The following KCTD16 variants were observed in gnomAD, a reference collection of about 807,000 sequenced individuals.
The protein encoded by KCTD16 is potassium channel tetramerization domain containing 16, also known as BTB/POZ domain-containing protein KCTD16.
Under a neutral mutation model 33.2 loss-of-function variants are expected in KCTD16, and 13 were observed. The ratio of observed to expected loss-of-function variants is 0.39; its 90% confidence interval spans 0.25 to 0.62. The LOEUF is 0.62. Among genes scored for constraint, KCTD16 ranks in the 20% least tolerant of loss-of-function variants. KCTD16 has a pLI of 0.50. For missense variants in KCTD16, 441 were observed against 525.1 expected (o/e 0.84, Z 1.57); for synonymous variants, 197 against 195.3 (o/e 1.01, Z -0.07).
At chr5:144,413,207 A>T (rs778381764) in intron 3 of KCTD16, among the ~76,000 whole-genome samples, 1 of 152,232 alleles carries the variant, frequency 6.6e-6, no homozygotes, top group Non-Finnish European at 1.5e-5. Flanking sequence ...GTCCTAATCC[A>T]ATATGACTGG....
chr5:144,245,348 G>T (rs1260175720), intron 3 of KCTD16, among the ~76,000 whole-genome samples: 1 of 152,192 alleles, frequency 6.6e-6, no homozygotes, highest in Non-Finnish European at 1.5e-5. Flanking sequence ...CCTCATCAGA[G>T]AAGTCAAGGA....
intron 3 of KCTD16, among the ~76,000 whole-genome samples, chr5:144,462,561 G>T (rs1402818035): frequency 5.7e-5 from 7 of 122,834 alleles, no homozygotes; most frequent in Admixed American, 1.8e-4. Context: ...ATTCTCTTTT[G>T]GTTTCTTAAA....
At chr5:144,368,802 C>T (rs1196231496) in intron 3 of KCTD16, among the ~76,000 whole-genome samples, 2 of 152,130 alleles carry the variant, frequency 1.3e-5, no homozygotes, top group African/African-American at 4.8e-5. Context: ...TACAGTCATT[C>T]CACTGTAATC....
At chr5:144,289,601 C>T (rs1433878281) in intron 3 of KCTD16, among the ~76,000 whole-genome samples, 4 of 152,158 alleles carry the variant, frequency 2.6e-5, no homozygotes, top group African/African-American at 7.2e-5. Context: ...TATAAAGCCA[C>T]CTAGCCTTCC....
chr5:144,457,327 A>T (rs1479685158), intron 3 of KCTD16, among the ~76,000 whole-genome samples: 1 of 152,194 alleles, frequency 6.6e-6, no homozygotes, highest in Non-Finnish European at 1.5e-5. Flanking sequence ...ATCGCAAGAG[A>T]GATGTGCCCC....
intron 3 of KCTD16, among the ~76,000 whole-genome samples, chr5:144,471,779 A>G (rs998495621): frequency 3.8e-4 from 58 of 152,302 alleles, no homozygotes; most frequent in African/African-American, 1.3e-3. Flanking sequence ...AGCTGTTGTG[A>G]TTCCTTTTTG....
At chr5:144,301,195 C>T (rs559062831) in intron 3 of KCTD16, among the ~76,000 whole-genome samples, 138 of 143,812 alleles carry the variant, frequency 9.6e-4, no homozygotes, top group African/African-American at 3.5e-3. Context: ...GAGCTGAGAT[C>T]GCACCATTGC....
At chr5:144,448,745 C>G (rs1470522682) in intron 3 of KCTD16, among the ~76,000 whole-genome samples, 1 of 152,012 alleles carries the variant, frequency 6.6e-6, no homozygotes, top group Admixed American at 6.6e-5. Context: ...TGACTTGTCT[C>G]CATATTCTCT....
intron 2 of KCTD16, among the ~76,000 whole-genome samples, chr5:144,192,654 A>G (rs17101689): frequency 0.17 from 25,470 of 152,184 alleles, 2,336 homozygotes; most frequent in Admixed American, 0.26. Flanking sequence ...AGAACCTTTC[A>G]GATTTTAAGA....
chr5:144,292,589 T>C (rs1159152948), intron 3 of KCTD16, among the ~76,000 whole-genome samples: 1 of 152,188 alleles, frequency 6.6e-6, no homozygotes, highest in Non-Finnish European at 1.5e-5. Context: ...ACGTTTGAAC[T>C]AACATCAAAA....
chr5:144,436,919 T>C lies in KCTD16; in HGVS notation c.833-36741T>C, dbSNP rs557360423. 1.4e-4 allele frequency among the ~76,000 whole-genome samples: 22 copies of C among 152,272 alleles called. No individual in the cohort carries two copies. The South Asian group carries it at 4.6e-3, about 32-fold the overall frequency. On this transcript the variant is annotated intron_variant, in intron 3 of 3. Coordinates refer to ENST00000512467, the MANE Select transcript of KCTD16 (RefSeq NM_020768.4). ...AGTGTTTTACTTTTTAAGGATTAAG[T>C]TTCTTTTTGTGTAAAATGACTATAA... is the stretch of plus-strand genomic sequence containing the variant.
At chr5:144,306,657 C>T (rs1392607141) in intron 3 of KCTD16, among the ~76,000 whole-genome samples, 1 of 152,216 alleles carries the variant, frequency 6.6e-6, no homozygotes, top group Admixed American at 6.5e-5. Context: ...CTCTGTTTGA[C>T]TTGGGCTCTG....
At chr5:144,409,464 G>A (rs1172107341) in intron 3 of KCTD16, among the ~76,000 whole-genome samples, 1 of 152,046 alleles carries the variant, frequency 6.6e-6, no homozygotes, top group Non-Finnish European at 1.5e-5. Context: ...CATATCCTAT[G>A]AGAAATAGGC....
intron 3 of KCTD16, among the ~76,000 whole-genome samples, chr5:144,447,357 T>C (rs1411451955): frequency 6.6e-6 from 1 of 151,914 alleles, no homozygotes; most frequent in Non-Finnish European, 1.5e-5. Flanking sequence ...AGTTGAACAA[T>C]AAGAATATAT....
At chr5:144,470,906 T>G (rs1434818676) in intron 3 of KCTD16, among the ~76,000 whole-genome samples, 1 of 152,080 alleles carries the variant, frequency 6.6e-6, no homozygotes, top group African/African-American at 2.4e-5. Flanking sequence ...GAAGACTGAG[T>G]GCAGTGGCTC....
At chr5:144,319,625 G>T (rs1016534581) in intron 3 of KCTD16, among the ~76,000 whole-genome samples, 1 of 152,154 alleles carries the variant, frequency 6.6e-6, no homozygotes, top group Non-Finnish European at 1.5e-5. Context: ...TTCTCATCAA[G>T]AACTTTTCTT....
At chr5:144,333,944 G>A (rs982860340) in intron 3 of KCTD16, among the ~76,000 whole-genome samples, 1 of 152,216 alleles carries the variant, frequency 6.6e-6, no homozygotes, top group Admixed American at 6.5e-5. Flanking sequence ...AATTCAGGGA[G>A]TATAATATTT....
At chr5:144,416,250 A>G (rs1753051106) in intron 3 of KCTD16, among the ~76,000 whole-genome samples, 1 of 152,206 alleles carries the variant, frequency 6.6e-6, no homozygotes, top group South Asian at 2.1e-4. Context: ...TTTGTTTCTT[A>G]ATTGAAATGT....
At chr5:144,382,528 G>T (rs1213357746) in intron 3 of KCTD16, among the ~76,000 whole-genome samples, 1 of 152,110 alleles carries the variant, frequency 6.6e-6, no homozygotes, top group African/African-American at 2.4e-5. Flanking sequence ...ATAGTTAGTT[G>T]TTCCATACTC....
Sources: gnomAD v4.1 joint callset for allele counts (sites outside exome capture counted in the v4.1 genomes callset) on GRCh38, gnomAD v4.1.1 for gene constraint, MANE v1.5 for transcripts, NCBI Gene and HGNC (gene_info 2026-07-23, HGNC 2026-07-21) for gene names.